The following SERGEF variants were observed in gnomAD, a reference collection of about 807,000 sequenced individuals.
The protein encoded by SERGEF is secretion-regulating guanine nucleotide exchange factor.
Under a neutral mutation model 50.0 loss-of-function variants are expected in SERGEF, and 51 were observed. That is an observed-to-expected ratio of 1.02 (90% confidence interval 0.81 to 1.29). The LOEUF is 1.29. Ranked by LOEUF, SERGEF falls within the 50% of genes most tolerant of loss-of-function variation. The probability of loss-of-function intolerance (pLI) is 0.00; values close to 1 mark genes in which losing one functional copy is unlikely to be tolerated. For missense variants in SERGEF, 521 were observed against 557.0 expected (o/e 0.94, Z 0.65); for synonymous variants, 205 against 212.4 (o/e 0.97, Z 0.30).
intron 9 of SERGEF, among the ~76,000 whole-genome samples, chr11:17,936,628 C>T (rs921358659): frequency 1.3e-5 from 2 of 152,036 alleles, no homozygotes; most frequent in Admixed American, 6.6e-5. Flanking sequence ...CTCTCTAGGG[C>T]GTACACTCTG....
chr11:17,889,502 A>G (rs1483114766), intron 9 of SERGEF, among the ~76,000 whole-genome samples: 2 of 152,186 alleles, frequency 1.3e-5, no homozygotes, highest in South Asian at 4.1e-4. Context: ...ACTGTCCTGT[A>G]CTCTTAAAAA....
intron 7 of SERGEF, among the ~76,000 whole-genome samples, chr11:17,990,575 A>G (rs1853692311): frequency 6.6e-6 from 1 of 152,200 alleles, no homozygotes; most frequent in South Asian, 2.1e-4. Context: ...AGTAGCTCTA[A>G]ACCATCTTTT....
At chr11:17,798,568 G>A (rs1849608322) in intron 10 of SERGEF, among the ~76,000 whole-genome samples, 1 of 152,208 alleles carries the variant, frequency 6.6e-6, no homozygotes, top group Admixed American at 6.5e-5. Flanking sequence ...TGGCTCCAGT[G>A]GGTGACTATT....
intron 10 of SERGEF, among the ~76,000 whole-genome samples, chr11:17,819,766 C>T (rs1236873332): frequency 1.3e-5 from 2 of 152,216 alleles, no homozygotes; most frequent in African/African-American, 2.4e-5. Context: ...AGCATAGGAG[C>T]CCCTCACACA....
intron 10 of SERGEF, among the ~76,000 whole-genome samples, chr11:17,872,211 G>T (rs1041286276): frequency 6.6e-6 from 1 of 152,216 alleles, no homozygotes; most frequent in Non-Finnish European, 1.5e-5. Context: ...GGTTAGCTCT[G>T]GGGGTGGGTT....
chr11:17,884,808 C>T lies in SERGEF; in HGVS notation c.1012-6564G>A, dbSNP rs1465977252. Among the ~76,000 whole-genome samples, 2 of 152,168 alleles carry T rather than the reference C, an allele frequency of 1.3e-5. No homozygotes were observed. Among genetic ancestry groups the T allele is most frequent in the Non-Finnish European group, 2.9e-5 (2 of 68,034 alleles). ...ATGAGCTTGAACTAGGTTCTGCTAT[C>T]TTCCAGAGAAGTTGGGGTGAGAAGA... On this transcript the variant is annotated intron_variant, in intron 9 of 10. Coordinates refer to ENST00000265965, the MANE Select transcript of SERGEF (RefSeq NM_012139.4). This position sits in a 1 kb window ranked among gnomAD's most constrained non-coding sequence, Gnocchi z 4.6.
At chr11:17,957,487 T>C (rs1425243374) in intron 9 of SERGEF, among the ~76,000 whole-genome samples, 1 of 152,168 alleles carries the variant, frequency 6.6e-6, no homozygotes, top group East Asian at 1.9e-4. Flanking sequence ...TAAATGATCT[T>C]GGAAAGACAA....
At chr11:17,969,248 G>T (rs1590224386) in intron 8 of SERGEF, among the ~76,000 whole-genome samples, 1 of 152,114 alleles carries the variant, frequency 6.6e-6, no homozygotes, top group Non-Finnish European at 1.5e-5. Flanking sequence ...CCTAGAAGCT[G>T]CTTGGCAACC....
At chr11:17,819,533 G>A (rs780176403) in intron 10 of SERGEF, among the ~76,000 whole-genome samples, 15 of 152,158 alleles carry the variant, frequency 9.9e-5, no homozygotes, top group Non-Finnish European at 1.3e-4. Context: ...GAGGTCACAC[G>A]GTGAATGAGA....
At chr11:17,900,944 A>T (rs970339527) in intron 9 of SERGEF, among the ~76,000 whole-genome samples, 1 of 152,216 alleles carries the variant, frequency 6.6e-6, no homozygotes, top group African/African-American at 2.4e-5. Context: ...GGTGAAGAAC[A>T]CTGAACATAG....
intron 10 of SERGEF, among the ~76,000 whole-genome samples, chr11:17,830,616 G>T (rs370072339): frequency 7.0e-6 from 1 of 143,456 alleles, no homozygotes; most frequent in Non-Finnish European, 1.5e-5. Flanking sequence ...GAGAGAGAGA[G>T]AGAGAGAGAG....
At chr11:17,922,636 C>T (rs1353784827) in intron 9 of SERGEF, among the ~76,000 whole-genome samples, 1 of 151,842 alleles carries the variant, frequency 6.6e-6, no homozygotes, top group African/African-American at 2.4e-5. Context: ...TTTTTTAGTC[C>T]CCTGAGAACA....
chr11:17,901,016 C>A (rs1490248452), intron 9 of SERGEF, among the ~76,000 whole-genome samples: 1 of 152,146 alleles, frequency 6.6e-6, no homozygotes, highest in Non-Finnish European at 1.5e-5. Context: ...AACACACCGT[C>A]TACCCCCACC....
intron 10 of SERGEF, chr11:17,856,817 G>C (rs1038695096): frequency 1.3e-5 from 2 of 152,180 alleles, no homozygotes; most frequent in Non-Finnish European, 2.9e-5. Flanking sequence ...CAGTGTGTTG[G>C]CTTCCTGGAC....
At chr11:17,992,842 A>C in intron 7 of SERGEF, 89 bp downstream of exon 7, 1 of 1,141,008 alleles carries the variant, frequency 8.8e-7, no homozygotes, top group Admixed American at 1.8e-5. Flanking sequence ...AGTCTATGAC[A>C]TTCCCTCTGT....
chr11:18,012,787 GCTCCT>G, intron 1 of SERGEF, 159 bp downstream of exon 1: 3 of 700,284 alleles, frequency 4.3e-6, no homozygotes, highest in Non-Finnish European at 6.3e-6. Flanking sequence ...CCGCCCGCCC[GCTCCT>G]CCTCCGCTCC....
At chr11:17,999,639 C>CCACACGCCACCTCCCTGTCCCCCT (rs1426531500) in intron 5 of SERGEF, 162 of 445,038 alleles carry the variant, frequency 3.6e-4, no homozygotes, top group Non-Finnish European at 5.6e-4. Flanking sequence ...CACCATTCTC[C>CCACACGCCACCTCCCTGTCCCCCT]CACACGCCAC....
intron 8 of SERGEF, among the ~76,000 whole-genome samples, chr11:17,987,531 C>A (rs770060392): frequency 6.6e-6 from 1 of 152,216 alleles, no homozygotes; most frequent in African/African-American, 2.4e-5. Flanking sequence ...GAATGACACA[C>A]TTTGCTTAGA....
chr11:17,824,869 C>A (rs974479549), intron 10 of SERGEF, among the ~76,000 whole-genome samples: 8 of 152,190 alleles, frequency 5.3e-5, no homozygotes, highest in Non-Finnish European at 7.3e-5. Flanking sequence ...ATTTAATCTA[C>A]GAATTTTGGG....
Sources: gnomAD v4.1 joint callset for allele counts (sites outside exome capture counted in the v4.1 genomes callset) on GRCh38, gnomAD v4.1.1 for gene constraint, Gnocchi (gnomAD v3.1) non-coding constraint, MANE v1.5 for transcripts, NCBI Gene and HGNC (gene_info 2026-07-23, HGNC 2026-07-21) for gene names.